TMTC4: variants seen among roughly 807,000 people sequenced by gnomAD.
The protein encoded by TMTC4 is protein O-mannosyl-transferase TMTC4.
A neutral mutation model predicts 86.0 loss-of-function variants in TMTC4; 65 were observed. The ratio of observed to expected loss-of-function variants is 0.76; its 90% CI spans 0.62 to 0.93. The LOEUF (loss-of-function observed/expected upper bound fraction) is 0.93. TMTC4 is among the 40% of genes least tolerant of loss of function. The probability of loss-of-function intolerance (pLI) is 0.00; values close to 1 mark genes in which losing one functional copy is unlikely to be tolerated. For missense variants in TMTC4, 866 were observed against 948.1 expected (o/e 0.91, Z 1.14); for synonymous variants, 379 against 382.5 (o/e 0.99, Z 0.11).
chr13:100,668,956 A>G (rs1435931250), intron 2 of TMTC4, among the ~76,000 whole-genome samples, 162 bp from the exon 3 acceptor site: 1 of 152,238 alleles, frequency 6.6e-6, no homozygotes, highest in Non-Finnish European at 1.5e-5. Flanking sequence ...AGTGGGCAGA[A>G]AAGTCACATG....
At position 100,668,723 on chromosome 13, in the gene TMTC4, A is replaced by C; in HGVS notation, c.75T>G (p.Thr25=). 6.2e-7 allele frequency: 1 copy of C among 1,614,258 alleles called. No individual in the cohort carries two copies. The highest frequency in any genetic ancestry group is 8.5e-7 in the Non-Finnish European group (1 of 1,180,042). ...AAGATGGAAGAATGTGATCCAAATC[A>C]GTGTCCAACACGGCCATTCTGAAAA... ...PAVFRMAVLD[T]DLDHILPSSV... Residue 25 remains threonine (T), a synonymous_variant, in exon 3 of 19, where the codon ACT becomes ACG. Coordinates refer to ENST00000342624, the MANE Select transcript of TMTC4 (RefSeq NM_032813.5).
At chr13:100,615,049 C>T (rs750260247) in intron 15 of TMTC4, 2 of 569,000 alleles carry the variant, frequency 3.5e-6, no homozygotes, top group African/African-American at 2.1e-5. Flanking sequence ...GGTAAAACCT[C>T]TTGGCAATTT....
intron 6 of TMTC4, among the ~76,000 whole-genome samples, chr13:100,645,110 C>T (rs543632197): frequency 1.3e-5 from 2 of 152,360 alleles, no homozygotes; most frequent in South Asian, 4.1e-4. Context: ...CTGCACCCGG[C>T]CTGAACATTC....
Position 100,668,702 on chromosome 13 carries a change from T to C in TMTC4, c.96A>G (p.Pro32=), listed in dbSNP as rs755788117. 6.2e-7 allele frequency: 1 copy of C among 1,614,228 alleles called. No homozygotes were observed. The highest frequency in any genetic ancestry group is 8.5e-7 in the Non-Finnish European group (1 of 1,180,052). ...CCCAGAATGGAGGAAGAACAGAAGA[T>C]GGAAGAATGTGATCCAAATCAGTGT... ...VLDTDLDHIL[P]SSVLPPFWAK... The change falls in exon 3 of 19, where the codon CCA becomes CCG. Residue 32 remains proline (P), a synonymous_variant. Coordinates refer to ENST00000342624, the MANE Select transcript of TMTC4 (RefSeq NM_032813.5).
Position 100,656,477 on chromosome 13 carries a change from A to C in TMTC4, c.553-9T>G. 6.3e-7 allele frequency: 1 copy of C among 1,595,880 alleles called. No homozygotes were observed. Among genetic ancestry groups the C allele is most frequent in the Admixed American group, 1.8e-5 (1 of 55,760 alleles). On this transcript the variant is annotated splice_polypyrimidine_tract_variant and intron_variant, in intron 5 of 18. Transcript: ENST00000342624. ...CCGACAACACCAGCAACCTTAAAAAAGGGGGAAGAAAACAAAGAATTACAT... is the reference window on the plus strand; with the variant it reads ...CCGACAACACCAGCAACCTTAAAAACGGGGGAAGAAAACAAAGAATTACAT...
intron 15 of TMTC4, among the ~76,000 whole-genome samples, chr13:100,615,163 A>C (rs1878273487): frequency 6.6e-6 from 1 of 152,126 alleles, no homozygotes; most frequent in Non-Finnish European, 1.5e-5. Context: ...TTTGAGATAG[A>C]GTCTCACACT....
intron 6 of TMTC4, among the ~76,000 whole-genome samples, chr13:100,654,519 T>G (rs1884837498): frequency 6.6e-6 from 1 of 152,124 alleles, no homozygotes; most frequent in Non-Finnish European, 1.5e-5. Flanking sequence ...AAGCTTTATT[T>G]AAAAAGTATC....
chr13:100,663,268 A>C, intron 4 of TMTC4, 88 bp from the exon 5 acceptor site: 3 of 1,172,366 alleles, frequency 2.6e-6, no homozygotes, highest in Non-Finnish European at 3.8e-6. Context: ...TTGTGTGTGG[A>C]AATATTAAAA....
Position 100,605,078 on chromosome 13 carries a change from C to A in TMTC4, c.2199G>T (p.Gln733His). 6.2e-7 allele frequency: 1 copy of A among 1,614,074 alleles called. No individual in the cohort carries two copies. Among genetic ancestry groups the A allele is most frequent in the South Asian group, 1.1e-5 (1 of 91,070 alleles). Residue 733 changes from glutamine to histidine, a missense_variant, in exon 19 of 19, where the codon CAG (glutamine) becomes CAT (histidine). Coordinates refer to ENST00000342624, the MANE Select transcript of TMTC4 (RefSeq NM_032813.5). This position sits in a 1 kb window ranked among gnomAD's most constrained non-coding sequence, Gnocchi z 4.3. The stretch of plus-strand genomic sequence containing the variant: ...TAGTTCCTGATGCCGTGGGGTCAAG[C>A]TGCAAGGAGATTTCATAGTGTTTCT... The part of the protein sequence containing the change: ...LAKKHYEISL[Q>H]LDPTASGTKE...
chr13:100,636,898 G>T (rs1240737236), intron 9 of TMTC4, among the ~76,000 whole-genome samples, 164 bp from the exon 10 acceptor site: 7 of 152,182 alleles, frequency 4.6e-5, no homozygotes, highest in Admixed American at 3.9e-4. Context: ...ACTATAGTCT[G>T]TAAAAATGTA....
intron 12 of TMTC4, among the ~76,000 whole-genome samples, chr13:100,633,298 G>A (rs1594291259): frequency 9.5e-6 from 1 of 105,398 alleles, no homozygotes; most frequent in East Asian, 3.2e-4. Flanking sequence ...AACAGAGCAA[G>A]ACTCCATCTC....
At position 100,663,016 on chromosome 13, in the gene TMTC4, G is replaced by A. The variant is rs764846329; in HGVS notation, c.500C>T (p.Ala167Val). The change falls in exon 5 of 19, where the codon GCG (alanine) becomes GTG (valine). Residue 167 changes from alanine to valine, a missense_variant. Physicochemically the swap from Ala to Val is moderately conservative, Grantham distance 64. Transcript: ENST00000342624. ...AAACAGCAGCGCGGCCAGCAGGGAC[G>A]CCCTGGGGGCGAGGTGCAGCCTCCG... ...KGRRLHLAPRASLLAALLFAV... is the reference protein window; with the variant it reads ...KGRRLHLAPRVSLLAALLFAV... The A allele has an allele frequency of 2.4e-5, 38 of 1,614,006 alleles. No individual in the cohort carries two copies. Among genetic ancestry groups the A allele is most frequent in the Middle Eastern group, 1.7e-4 (1 of 6,056 alleles).
chr13:100,670,867 T>C (rs999482116), intron 1 of TMTC4: 1 of 153,524 alleles, frequency 6.5e-6, no homozygotes, highest in South Asian at 2.0e-4. Flanking sequence ...GGTGCGAGTA[T>C]TGCTTGAGCC....
chr13:100,659,476 T>C (rs1482820663), intron 5 of TMTC4, among the ~76,000 whole-genome samples: 3 of 152,040 alleles, frequency 2.0e-5, no homozygotes, highest in Non-Finnish European at 2.9e-5. Flanking sequence ...CTCCTTGATG[T>C]TGGAATTCAG....
intron 6 of TMTC4, among the ~76,000 whole-genome samples, chr13:100,647,403 G>C (rs762357618): frequency 1.7e-4 from 26 of 152,058 alleles, no homozygotes; most frequent in Non-Finnish European, 3.5e-4. Flanking sequence ...AAACCAAATG[G>C]ACACCCTCCA....
intron 12 of TMTC4, among the ~76,000 whole-genome samples, chr13:100,630,833 A>G (rs903438538): frequency 3.9e-5 from 6 of 152,224 alleles, no homozygotes; most frequent in Non-Finnish European, 7.3e-5. Context: ...GCCAGAGACC[A>G]GAAGATCAAA....
intron 5 of TMTC4, among the ~76,000 whole-genome samples, chr13:100,660,890 G>C (rs1228231645): frequency 6.6e-6 from 1 of 152,164 alleles, no homozygotes; most frequent in East Asian, 1.9e-4. Flanking sequence ...CTGACCTCAA[G>C]TGATCCACCT....
In TMTC4 at chr13:100,641,334, G is replaced by T. The variant is rs79838561; in HGVS notation, c.741+877C>A. On this transcript the variant is annotated intron_variant, in intron 7 of 18. Coordinates refer to ENST00000342624, the MANE Select transcript of TMTC4 (RefSeq NM_032813.5). ...GTGACCATGGAACACTTTGGTTCCA[G>T]CGTTGCTTGAAGTTGCACTTGGGTG... 1.3e-3 allele frequency among the ~76,000 whole-genome samples: 202 copies of T among 152,320 alleles called. 4 individuals are homozygous for T. The South Asian group carries it at 0.015, about 11-fold the overall frequency.
intron 3 of TMTC4, among the ~76,000 whole-genome samples, chr13:100,667,536 A>C (rs1328202894): frequency 6.6e-6 from 1 of 152,224 alleles, no homozygotes; most frequent in African/African-American, 2.4e-5. Context: ...AATATATGCA[A>C]ATCAGTCATG....
Sources: gnomAD v4.1 joint callset for allele counts (sites outside exome capture counted in the v4.1 genomes callset) on GRCh38, gnomAD v4.1.1 for gene constraint, Gnocchi (gnomAD v3.1) non-coding constraint, MANE v1.5 for transcripts, NCBI Gene and HGNC (gene_info 2026-07-23, HGNC 2026-07-21) for gene names.